Variants in SLC35F1 observed in about 807,000 individuals in gnomAD.
SLC35F1 encodes the protein solute carrier family 35 member F1, also known as chromosome 6 open reading frame 169.
A neutral mutation model predicts 48.7 loss-of-function variants in SLC35F1; 14 were observed. That is an observed-to-expected ratio of 0.29 (90% confidence interval 0.19 to 0.45). The LOEUF (loss-of-function observed/expected upper bound fraction) is 0.45, where lower values mean the gene tolerates loss of function less well. SLC35F1 is among the 20% of genes least tolerant of loss of function. The pLI is 1.00. For missense variants in SLC35F1, 404 were observed against 500.0 expected, an observed-to-expected ratio of 0.81 and a Z score of 1.83; for synonymous variants, 190 against 202.2, an observed-to-expected ratio of 0.94 and a Z score of 0.51.
intron 1 of SLC35F1, among the ~76,000 whole-genome samples, chr6:118,037,185 A>G (rs891445956): frequency 5.9e-5 from 9 of 152,024 alleles, no homozygotes; most frequent in African/African-American, 1.9e-4. Context: ...CAACATCTCT[A>G]TGTCATTATA....
At chr6:118,139,498 G>A (rs1362293910) in intron 1 of SLC35F1, among the ~76,000 whole-genome samples, 1 of 152,148 alleles carries the variant, frequency 6.6e-6, no homozygotes, top group East Asian at 1.9e-4. Flanking sequence ...TGCAGAACTG[G>A]GATACAATCT....
chr6:118,241,683 C>T (rs554857925), intron 3 of SLC35F1, among the ~76,000 whole-genome samples: 1 of 151,748 alleles, frequency 6.6e-6, no homozygotes, highest in Admixed American at 6.6e-5. Flanking sequence ...CAGAATTATC[C>T]CATCACCACA....
intron 2 of SLC35F1, among the ~76,000 whole-genome samples, chr6:118,206,003 T>G (rs1211061261): frequency 6.6e-6 from 1 of 152,112 alleles, no homozygotes; most frequent in Non-Finnish European, 1.5e-5. Context: ...AGGGAGTTAT[T>G]TTTTATGGGG....
chr6:118,000,569 A>G (rs187093451), intron 1 of SLC35F1, among the ~76,000 whole-genome samples: 33 of 152,254 alleles, frequency 2.2e-4, no homozygotes, highest in East Asian at 2.1e-3. Context: ...CACCACTCCT[A>G]TTCAACATAG....
At chr6:118,097,707 G>A (rs532596090) in intron 1 of SLC35F1, among the ~76,000 whole-genome samples, 8 of 152,252 alleles carry the variant, frequency 5.3e-5, no homozygotes, top group South Asian at 2.1e-4. Context: ...ATCACCAGCC[G>A]CAACAGCTGA....
intron 7 of SLC35F1, among the ~76,000 whole-genome samples, chr6:118,302,127 A>G (rs561848970): frequency 4.6e-5 from 7 of 152,030 alleles, no homozygotes; most frequent in African/African-American, 1.4e-4. Flanking sequence ...TGTTATAAGG[A>G]TATCTGTAGC....
At chr6:118,156,614 C>A (rs975060068) in intron 2 of SLC35F1, among the ~76,000 whole-genome samples, 8 of 151,482 alleles carry the variant, frequency 5.3e-5, no homozygotes, top group Non-Finnish European at 7.4e-5. Context: ...ACATGTATAC[C>A]TATGTATCAA....
chr6:118,202,123 T>C (rs1005230973), intron 2 of SLC35F1, among the ~76,000 whole-genome samples: 4 of 152,314 alleles, frequency 2.6e-5, no homozygotes, highest in African/African-American at 9.6e-5. Context: ...CTTGGGTATA[T>C]ACCTAGGAGA....
In SLC35F1 at chr6:118,314,895, A is replaced by C. The variant is rs1285754244; in HGVS notation, c.*643A>C. 3.3e-5 allele frequency: 5 copies of C among 153,044 alleles called. No individual in the cohort carries two copies. The highest frequency in any genetic ancestry group is 7.3e-5 in the Non-Finnish European group (5 of 68,418). The allele number at this position is 153,044 out of a possible 1,614,324, so 9.5% of individuals were successfully genotyped here. Reference sequence around the variant, plus strand: ...TCTATTCTAGGAATAGATATAAAAGAAACATTTTAGCCTTTTTATATTTCG... The same window carrying C: ...TCTATTCTAGGAATAGATATAAAAGCAACATTTTAGCCTTTTTATATTTCG... On this transcript the variant is annotated 3_prime_UTR_variant, in exon 8 of 8. Transcript: ENST00000360388.
At chr6:118,123,428 GTTT>G (rs5879449) in intron 1 of SLC35F1, among the ~76,000 whole-genome samples, 8 of 151,124 alleles carry the variant, frequency 5.3e-5, no homozygotes, top group South Asian at 2.1e-4. Flanking sequence ...CCAAATGATA[GTTT>G]TTTTTTTTTA....
chr6:118,272,215 G>C (rs1775860112), intron 4 of SLC35F1, among the ~76,000 whole-genome samples: 1 of 152,154 alleles, frequency 6.6e-6, no homozygotes, highest in African/African-American at 2.4e-5. Context: ...ATTTGTAAGA[G>C]AACAGTTGGC....
chr6:117,966,322 G>A (rs145151096), intron 1 of SLC35F1, among the ~76,000 whole-genome samples: 23 of 152,226 alleles, frequency 1.5e-4, no homozygotes, highest in African/African-American at 5.1e-4. Flanking sequence ...TGAAGTCAGC[G>A]AGACCACGAA....
At chr6:118,304,397 A>AG (rs1562356804) in intron 7 of SLC35F1, among the ~76,000 whole-genome samples, 38 of 149,774 alleles carry the variant, frequency 2.5e-4, no homozygotes, top group Non-Finnish European at 4.4e-4. Flanking sequence ...AAGAAAAGAA[A>AG]AGAAGAAGAA....
At chr6:118,064,975 A>G (rs1216450862) in intron 1 of SLC35F1, among the ~76,000 whole-genome samples, 1 of 152,200 alleles carries the variant, frequency 6.6e-6, no homozygotes, top group Non-Finnish European at 1.5e-5. Flanking sequence ...CCTACAGCTA[A>G]TCTACATAAT....
chr6:117,913,247 G>GA (rs1452118310), intron 1 of SLC35F1, among the ~76,000 whole-genome samples: 1 of 152,128 alleles, frequency 6.6e-6, no homozygotes, highest in African/African-American at 2.4e-5. Flanking sequence ...TAGATGTATG[G>GA]AAAAAACCTA....
At chr6:118,147,542 A>G (rs1303804918) in intron 1 of SLC35F1, among the ~76,000 whole-genome samples, 1 of 152,136 alleles carries the variant, frequency 6.6e-6, no homozygotes, top group African/African-American at 2.4e-5. Context: ...GTCAATCATC[A>G]TATCCTTATT....
At chr6:118,039,819 T>TTTTTTTTTTTAG in intron 1 of SLC35F1, among the ~76,000 whole-genome samples, 1 of 150,790 alleles carries the variant, frequency 6.6e-6, no homozygotes. Flanking sequence ...TTTTTTTTTT[T>TTTTTTTTTTTAG]TGCTTCAGAC....
chr6:117,937,673 T>G (rs549028943), intron 1 of SLC35F1, among the ~76,000 whole-genome samples: 3 of 152,256 alleles, frequency 2.0e-5, no homozygotes, highest in Non-Finnish European at 4.4e-5. Context: ...GTAGAAGAAT[T>G]ATAATGATTG....
chr6:118,197,711 C>CT (rs112320019), intron 2 of SLC35F1, among the ~76,000 whole-genome samples: 5,564 of 146,154 alleles, frequency 0.038, 315 homozygotes, highest in African/African-American at 0.13. Flanking sequence ...GGTTTTCTTT[C>CT]TTTTTTTTTT....
Sources: allele counts gnomAD v4.1 joint callset (sites outside exome capture counted in the v4.1 genomes callset), GRCh38; gene constraint gnomAD v4.1.1; transcripts MANE v1.5; gene names NCBI Gene and HGNC (gene_info 2026-07-23, HGNC 2026-07-21).